Variants in SLC22A2 observed in about 807,000 individuals in gnomAD.
SLC22A2 encodes the protein solute carrier family 22 member 2.
Under a neutral mutation model 60.5 loss-of-function variants are expected in SLC22A2, and 46 were observed. That is an observed-to-expected ratio of 0.76 (90% CI 0.60 to 0.97). The LOEUF is 0.97. Ranked by LOEUF, SLC22A2 falls within the 50% of genes least tolerant of loss-of-function variation. SLC22A2 has a pLI of 0.00. For missense variants in SLC22A2, 701 were observed against 706.6 expected, an observed-to-expected ratio of 0.99 and a Z score of 0.09; for synonymous variants, 303 against 267.0, an observed-to-expected ratio of 1.13 and a Z score of -1.31.
chr6:160,249,164 T>C (rs892015791), intron 4 of SLC22A2, 52 bp downstream of exon 4: 1 of 1,316,082 alleles, frequency 7.6e-7, no homozygotes, highest in Non-Finnish European at 1.1e-6. Context: ...GCAGACTTCT[T>C]AGCAGAATAA....
intron 9 of SLC22A2, among the ~76,000 whole-genome samples, chr6:160,240,949 C>T (rs1296525586): frequency 6.6e-6 from 1 of 152,190 alleles, no homozygotes; most frequent in Non-Finnish European, 1.5e-5. Flanking sequence ...AACACAGGTG[C>T]TCCATTATGC....
At chr6:160,242,231 G>C in intron 8 of SLC22A2, 63 bp downstream of exon 8, 1 of 891,840 alleles carries the variant, frequency 1.1e-6, no homozygotes, top group Non-Finnish European at 1.9e-6. Flanking sequence ...TGCACTTGTG[G>C]TGGTTCCAGC....
chr6:160,249,397 T>G lies in SLC22A2; in HGVS notation c.674-13A>C, dbSNP rs549532417. ...ACAAATTCTGTAACTGCAGAGAGAA[T>G]TTGAATGGTTAATGCAATTCAATAC... On this transcript the variant is annotated splice_polypyrimidine_tract_variant and intron_variant, in intron 3 of 10. Transcript: ENST00000366953. The G allele has an allele frequency of 1.2e-6, 2 of 1,610,618 alleles. No homozygotes were observed. Among genetic ancestry groups the G allele is most frequent in the Non-Finnish European group, 1.7e-6 (2 of 1,177,670 alleles).
chr6:160,232,014 T>C (rs1426138824), intron 9 of SLC22A2, among the ~76,000 whole-genome samples: 1 of 151,980 alleles, frequency 6.6e-6, no homozygotes, highest in African/African-American at 2.4e-5. Flanking sequence ...TTAATGCTTT[T>C]AGAGGCCCTC....
intron 9 of SLC22A2, among the ~76,000 whole-genome samples, chr6:160,237,252 C>A (rs1436201750): frequency 6.6e-6 from 1 of 152,034 alleles, no homozygotes; most frequent in Non-Finnish European, 1.5e-5. Flanking sequence ...AGGTAGTGAC[C>A]CCATATCAGC....
rs1376367473 is a variant in SLC22A2, at chr6:160,258,363, C to A, written c.395G>T (p.Gly132Val). 1.2e-6 allele frequency: 2 copies of A among 1,611,304 alleles called. No homozygotes were observed. Among genetic ancestry groups the A allele is most frequent in the East Asian group, 2.2e-5 (1 of 44,846 alleles). The change falls in exon 1 of 11, where the codon GGC becomes GTC. Residue 132 changes from glycine to valine, a missense_variant. Gly to Val is a moderately radical substitution (Grantham distance 109). Transcript: ENST00000366953. Reference protein sequence around the residue: ...CRDGWVYETPGSSIVTEFNLV... With the variant: ...CRDGWVYETPVSSIVTEFNLV... ...TCTTACCTCGGTGACGATGGACGAG[C>A]CAGGCGTCTCGTACACCCAGCCGTC... is the stretch of plus-strand genomic sequence containing the variant.
intron 7 of SLC22A2, among the ~76,000 whole-genome samples, chr6:160,243,342 G>A (rs1325797732): frequency 2.0e-5 from 3 of 151,880 alleles, no homozygotes; most frequent in Non-Finnish European, 2.9e-5. Context: ...TGTAGCATGG[G>A]GCTGTAAAGT....
At chr6:160,233,846 C>T (rs949508957) in intron 9 of SLC22A2, among the ~76,000 whole-genome samples, 3 of 151,740 alleles carry the variant, frequency 2.0e-5, no homozygotes, top group Admixed American at 6.6e-5. Context: ...CCATACCACC[C>T]CCCAAAATTT....
intron 9 of SLC22A2, among the ~76,000 whole-genome samples, chr6:160,235,471 G>A (rs1002858761): frequency 1.1e-4 from 1 of 9,014 alleles, no homozygotes; most frequent in African/African-American, 2.7e-4. Flanking sequence ...GTATAAAAAT[G>A]AGACCCTTAA....
intron 10 of SLC22A2, among the ~76,000 whole-genome samples, chr6:160,223,506 G>A (rs991747919): frequency 1.3e-5 from 2 of 152,148 alleles, no homozygotes; most frequent in Non-Finnish European, 2.9e-5. Flanking sequence ...CAGCGTATGT[G>A]AAATGGCCTC....
At chr6:160,245,202 G>A (rs1466731132) in intron 6 of SLC22A2, 2 of 296,336 alleles carry the variant, frequency 6.7e-6, no homozygotes, top group Non-Finnish European at 1.2e-5. Flanking sequence ...TAAGCTCCCA[G>A]GTGATTCCAA....
intron 9 of SLC22A2, 94 bp from the exon 10 acceptor site, chr6:160,224,898 A>G (rs1312071297): frequency 6.0e-6 from 3 of 497,358 alleles, no homozygotes; most frequent in Non-Finnish European, 1.0e-5. Flanking sequence ...ACTTTTTTTT[A>G]GCATTTTTCT....
At chr6:160,219,326 A>G (rs1418700712) in intron 10 of SLC22A2, among the ~76,000 whole-genome samples, 1 of 145,166 alleles carries the variant, frequency 6.9e-6, no homozygotes, top group South Asian at 2.5e-4. Context: ...AACAATAACA[A>G]CAGCAATAGC....
In SLC22A2 at chr6:160,258,798, C is replaced by A; in HGVS notation, c.-41G>T. 2 of 1,502,740 alleles carry A rather than the reference C, an allele frequency of 1.3e-6. No homozygotes were observed. Among genetic ancestry groups the A allele is most frequent in the Admixed American group, 2.3e-5 (1 of 43,602 alleles). 93.1% of individuals were successfully genotyped at this position (1,502,740 alleles called of 1,614,324 possible). On this transcript the variant is annotated 5_prime_UTR_variant, in exon 1 of 11. Transcript: ENST00000366953. ...AGGGCCCGAGGCTGCCCGACGTGCCCGGAGCGAGGCTGAGAGCGGCTGCAG... is the reference window on the plus strand; with the variant it reads ...AGGGCCCGAGGCTGCCCGACGTGCCAGGAGCGAGGCTGAGAGCGGCTGCAG...
At chr6:160,246,620 G>A (rs1041638753) in intron 5 of SLC22A2, among the ~76,000 whole-genome samples, 8 of 152,132 alleles carry the variant, frequency 5.3e-5, no homozygotes, top group Non-Finnish European at 8.8e-5. Flanking sequence ...GGTGGTGCTC[G>A]TCTGTAATTC....
Position 160,250,602 on chromosome 6 carries a change from G to T in SLC22A2, c.619C>A (p.Arg207Ser), listed in dbSNP as rs199783132. 5 of 1,614,012 alleles carry T rather than the reference G, an allele frequency of 3.1e-6. No homozygotes were observed. The highest frequency in any genetic ancestry group is 4.2e-6 in the Non-Finnish European group (5 of 1,179,948). Residue 207 changes from arginine (R) to serine (S), a missense_variant, in exon 3 of 11, where the codon CGC (arginine) becomes AGC (serine). Physicochemically the swap from Arg to Ser is moderately radical, Grantham distance 110. Transcript: ENST00000366953. The part of the protein sequence containing the change: ...SPTYTWMLIF[R>S]LIQGLVSKAG... ...TTGCTGACCAGTCCTTGGATTAAGCGAAAAATTAACATCCACGTATAGGTT... is the reference window on the plus strand; with the variant it reads ...TTGCTGACCAGTCCTTGGATTAAGCTAAAAATTAACATCCACGTATAGGTT...
chr6:160,253,675 A>G (rs1447406410), intron 2 of SLC22A2, among the ~76,000 whole-genome samples: 1 of 152,242 alleles, frequency 6.6e-6, no homozygotes, highest in Non-Finnish European at 1.5e-5. Flanking sequence ...TAAAAATTAA[A>G]TTATATACAT....
intron 2 of SLC22A2, among the ~76,000 whole-genome samples, chr6:160,252,080 T>A (rs1305062666): frequency 1.3e-5 from 2 of 152,170 alleles, no homozygotes; most frequent in Non-Finnish European, 2.9e-5. Flanking sequence ...ATCACCTAGG[T>A]AACGATGTAA....
intron 7 of SLC22A2, 96 bp from the exon 8 acceptor site, chr6:160,242,498 C>A: frequency 3.9e-6 from 3 of 763,190 alleles, no homozygotes; most frequent in South Asian, 2.9e-5. Flanking sequence ...ATTCCCCATC[C>A]CAGAATGGGA....
Sources: gnomAD v4.1 joint callset for allele counts (sites outside exome capture counted in the v4.1 genomes callset) on GRCh38, gnomAD v4.1.1 for gene constraint, MANE v1.5 for transcripts, NCBI Gene and HGNC (gene_info 2026-07-23, HGNC 2026-07-21) for gene names.